The following PLPP4 variants were observed in gnomAD, a reference collection of about 807,000 sequenced individuals.
PLPP4 encodes diacylglycerol pyrophosphate like 2.
Under a neutral mutation model 32.2 loss-of-function variants are expected in PLPP4, and 20 were observed. That is an observed-to-expected ratio of 0.62 (90% CI 0.44 to 0.90). The LOEUF (loss-of-function observed/expected upper bound fraction) is 0.90. Among genes scored for constraint, PLPP4 ranks in the 40% least tolerant of loss-of-function variants. The probability of loss-of-function intolerance (pLI) is 0.00; values close to 1 mark genes in which losing one functional copy is unlikely to be tolerated. For missense variants in PLPP4, 257 were observed against 353.1 expected (o/e 0.73, Z 2.18); for synonymous variants, 127 against 133.0 (o/e 0.95, Z 0.31).
intron 6 of PLPP4, among the ~76,000 whole-genome samples, chr10:120,583,331 A>G (rs1031296022): frequency 1.3e-5 from 2 of 151,776 alleles, no homozygotes; most frequent in African/African-American, 4.8e-5. Flanking sequence ...GGTTTTGCCA[A>G]TGTTATAGGT....
chr10:120,524,656 C>G (rs11816444), intron 5 of PLPP4, among the ~76,000 whole-genome samples: 4,308 of 152,292 alleles, frequency 0.028, 142 homozygotes, highest in African/African-American at 0.077. Flanking sequence ...GTGTCAAACT[C>G]TCAGCAAACA....
At chr10:120,552,390 A>G (rs564550344) in intron 5 of PLPP4, among the ~76,000 whole-genome samples, 84 of 152,296 alleles carry the variant, frequency 5.5e-4, no homozygotes, top group Admixed American at 1.2e-3. Context: ...CGGATGAAAC[A>G]TTGAAGCCAA....
Position 120,457,315 on chromosome 10 carries a change from C to T in PLPP4, c.10C>T (p.Leu4=). Residue 4 remains leucine, a synonymous_variant, in exon 1 of 7, where the codon CTG becomes TTG. Coordinates refer to ENST00000398250, the MANE Select transcript of PLPP4 (RefSeq NM_001030059.3). MRE[L]AIEIGVRALL... ...CTGCTCCGGCCGCACCATGCGGGAG[C>T]TGGCCATTGAGATCGGGGTGCGAGC... 1.3e-6 allele frequency: 2 copies of T among 1,530,250 alleles called. No individual in the cohort carries two copies. Among genetic ancestry groups the T allele is most frequent in the Non-Finnish European group, 1.8e-6 (2 of 1,137,422 alleles). 94.8% of individuals were successfully genotyped at this position (1,530,250 alleles called of 1,614,324 possible). A position where few individuals can be genotyped will look rare whatever the true frequency, so the allele number is the denominator to read the frequency against.
chr10:120,531,001 C>G (rs576564354), intron 5 of PLPP4, among the ~76,000 whole-genome samples: 1 of 151,538 alleles, frequency 6.6e-6, no homozygotes, highest in South Asian at 2.1e-4. Context: ...AGCCTTCTGT[C>G]AGATAATTTT....
chr10:120,579,947 AAAAAAAAAAAAAATAC>A (rs1244099629), intron 6 of PLPP4, among the ~76,000 whole-genome samples: 1 of 150,598 alleles, frequency 6.6e-6, no homozygotes, highest in Non-Finnish European at 1.5e-5. Flanking sequence ...CTCTACTAAA[AAAAAAAAAAAAAATAC>A]AAAAAAATTA....
chr10:120,579,155 C>T (rs1406988791), intron 6 of PLPP4, among the ~76,000 whole-genome samples: 1 of 152,156 alleles, frequency 6.6e-6, no homozygotes, highest in Non-Finnish European at 1.5e-5. Context: ...AGTCCCTGCA[C>T]CTGAAACCAG....
Position 120,575,129 on chromosome 10 carries a change from A to C in PLPP4, c.446-2A>C. 1 of 1,612,414 alleles carries C rather than the reference A, an allele frequency of 6.2e-7. No individual in the cohort carries two copies. Among genetic ancestry groups the C allele is most frequent in the South Asian group, 1.1e-5 (1 of 90,946 alleles). ...GTAACACCTGCTGTTTCTGTTTGGC[A>C]GTTGCCTTTTCGGGCCTTGGCTTCA... On this transcript the variant is annotated splice_acceptor_variant, in intron 5 of 6. Coordinates refer to ENST00000398250, the MANE Select transcript of PLPP4 (RefSeq NM_001030059.3). LOFTEE classifies it high-confidence loss of function.
At chr10:120,579,943 TAA>T (rs34914600) in intron 6 of PLPP4, among the ~76,000 whole-genome samples, 35 of 127,200 alleles carry the variant, frequency 2.8e-4, no homozygotes, top group African/African-American at 4.4e-4. Context: ...CCGTCTCTAC[TAA>T]AAAAAAAAAA....
chr10:120,482,109 A>G (rs1245180895), intron 1 of PLPP4, among the ~76,000 whole-genome samples: 1 of 152,170 alleles, frequency 6.6e-6, no homozygotes, highest in Admixed American at 6.5e-5. Context: ...CAGTGTGAAA[A>G]CGGACTAATA....
chr10:120,462,705 C>CCAGGT (rs1848110029), intron 1 of PLPP4, among the ~76,000 whole-genome samples: 1 of 152,146 alleles, frequency 6.6e-6, no homozygotes, highest in South Asian at 2.1e-4. Flanking sequence ...TACACGGGGC[C>CCAGGT]CAGGTCAGGC....
At chr10:120,567,168 A>C (rs189050494) in intron 5 of PLPP4, among the ~76,000 whole-genome samples, 2 of 152,184 alleles carry the variant, frequency 1.3e-5, no homozygotes, top group African/African-American at 4.8e-5. Flanking sequence ...AATTATTTCA[A>C]ACAAAATATA....
At chr10:120,473,141 A>G (rs1848589525) in intron 1 of PLPP4, among the ~76,000 whole-genome samples, 1 of 152,166 alleles carries the variant, frequency 6.6e-6, no homozygotes, top group Non-Finnish European at 1.5e-5. Context: ...CATGTCTAGT[A>G]ACTATTATAT....
intron 1 of PLPP4, among the ~76,000 whole-genome samples, chr10:120,502,144 G>T (rs909151678): frequency 6.6e-6 from 1 of 152,214 alleles, no homozygotes; most frequent in African/African-American, 2.4e-5. Flanking sequence ...GTGAAGGGTT[G>T]ACTGGGTTCT....
At chr10:120,577,870 A>T (rs1042102861) in intron 6 of PLPP4, among the ~76,000 whole-genome samples, 8 of 152,274 alleles carry the variant, frequency 5.3e-5, no homozygotes, top group African/African-American at 1.9e-4. Context: ...GTTCCCCTTC[A>T]TGAGGCTATC....
chr10:120,489,561 AC>A, intron 1 of PLPP4, among the ~76,000 whole-genome samples: 5 of 152,252 alleles, frequency 3.3e-5, no homozygotes, highest in Admixed American at 3.3e-4. Context: ...GATGGGGAAG[AC>A]CTTGGGGTGG....
chr10:120,570,279 G>GCAC (rs1848874289), intron 5 of PLPP4, among the ~76,000 whole-genome samples: 1 of 151,930 alleles, frequency 6.6e-6, no homozygotes, highest in African/African-American at 2.4e-5. Flanking sequence ...TTTTCAAATG[G>GCAC]TCTTCTGGAG....
chr10:120,529,665 A>G (rs1589826548), intron 5 of PLPP4, among the ~76,000 whole-genome samples: 3 of 152,328 alleles, frequency 2.0e-5, no homozygotes, highest in Middle Eastern at 3.4e-3. Flanking sequence ...TTGACAACAT[A>G]GTAAGACCAT....
intron 1 of PLPP4, among the ~76,000 whole-genome samples, chr10:120,472,761 A>T (rs1197681253): frequency 6.6e-6 from 1 of 151,988 alleles, no homozygotes; most frequent in African/African-American, 2.4e-5. Context: ...CAGATCTTGG[A>T]TGCTCTATTC....
rs147717408 is a variant in PLPP4, at chr10:120,579,429, C to T, written c.616+4128C>T. 3.3e-3 allele frequency among the ~76,000 whole-genome samples: 504 copies of T among 152,208 alleles called. 2 individuals are homozygous for T. The highest frequency in any genetic ancestry group is 0.012 in the African/African-American group (482 of 41,536). On this transcript the variant is annotated intron_variant, in intron 6 of 6. Coordinates refer to ENST00000398250, the MANE Select transcript of PLPP4 (RefSeq NM_001030059.3). ...GAAGTTTTCAAGATGGCCATTATTG[C>T]GTTCGCCTGCTTTCCCAGACTGGGC...
Sources: allele counts gnomAD v4.1 joint callset (sites outside exome capture counted in the v4.1 genomes callset), GRCh38; gene constraint gnomAD v4.1.1; transcripts MANE v1.5; gene names NCBI Gene and HGNC (gene_info 2026-07-23, HGNC 2026-07-21).